Variants in COL13A1 observed in about 807,000 individuals in gnomAD.
COL13A1 encodes collagen type XIII alpha 1 chain.
Under a neutral mutation model 130.9 loss-of-function variants are expected in COL13A1, and 89 were observed. The observed-to-expected ratio is 0.68, with a 90% CI of 0.57 to 0.81. The LOEUF (loss-of-function observed/expected upper bound fraction) is 0.81. COL13A1 is among the 30% of genes least tolerant of loss of function. The pLI, the probability that COL13A1 is intolerant of heterozygous loss-of-function variation, is 0.00. For synonymous variants in COL13A1, 402 were observed against 341.6 expected, an observed-to-expected ratio of 1.18 and a Z score of -1.95; for missense variants, 879 against 934.6, an observed-to-expected ratio of 0.94 and a Z score of 0.78.
rs968128099 is a variant in COL13A1 at position 69,898,606 on chromosome 10, C to T, written c.685-91C>T. ...CCTCTGCTCCGGTCCCTCTTGGTTG[C>T]CCTGCCCTCCTGGTGACTTTTGGCA... is the stretch of plus-strand genomic sequence containing the variant. On this transcript the variant is annotated intron_variant, in intron 13 of 40. Coordinates refer to ENST00000645393, the MANE Select transcript of COL13A1 (RefSeq NM_001368882.1). The T allele has an allele frequency of 1.2e-4, 131 of 1,098,532 alleles. No individual in the cohort carries two copies. In the African/African-American group the frequency reaches 1.7e-3, roughly 14 times the overall value. 68.0% of individuals were successfully genotyped at this position (1,098,532 alleles called of 1,614,324 possible).
At chr10:69,872,438 C>T (rs1323065898) in intron 4 of COL13A1, among the ~76,000 whole-genome samples, 2 of 152,190 alleles carry the variant, frequency 1.3e-5, no homozygotes, top group South Asian at 4.1e-4. Context: ...CCTTGGTGTG[C>T]CTTTGCCCCA....
At chr10:69,928,021 G>A (rs188247685) in intron 27 of COL13A1, among the ~76,000 whole-genome samples, 80 of 152,224 alleles carry the variant, frequency 5.3e-4, no homozygotes, top group African/African-American at 1.8e-3. Flanking sequence ...GCATGGTGGC[G>A]GGTGCCTATA....
chr10:69,868,401 TC>T (rs1192794962), intron 3 of COL13A1, among the ~76,000 whole-genome samples: 1 of 152,148 alleles, frequency 6.6e-6, no homozygotes, highest in Non-Finnish European at 1.5e-5. Context: ...CCGCACTCCT[TC>T]CTGGCCTTGC....
intron 35 of COL13A1, 31 bp downstream of exon 35, chr10:69,941,054 C>T (rs1164941415): frequency 6.2e-7 from 1 of 1,613,640 alleles, no homozygotes; most frequent in Admixed American, 1.7e-5. Context: ...ACCCCTCACC[C>T]CACTCCACTC....
chr10:69,874,476 G>A (rs986038209), intron 4 of COL13A1, among the ~76,000 whole-genome samples: 1 of 152,230 alleles, frequency 6.6e-6, no homozygotes, highest in African/African-American at 2.4e-5. Context: ...CAGATTTCCA[G>A]AGTGAGATGT....
At chr10:69,869,180 T>C (rs2058819444) in intron 3 of COL13A1, among the ~76,000 whole-genome samples, 1 of 152,206 alleles carries the variant, frequency 6.6e-6, no homozygotes, top group African/African-American at 2.4e-5. Context: ...CCAGGGACTG[T>C]TCCCAGACCC....
chr10:69,860,121 C>T (rs1197556008), intron 2 of COL13A1, among the ~76,000 whole-genome samples: 1 of 152,214 alleles, frequency 6.6e-6, no homozygotes, highest in Non-Finnish European at 1.5e-5. Flanking sequence ...TGCAGTCTCA[C>T]TCTGGGGTTC....
At chr10:69,909,518 C>T (rs2063144074) in intron 17 of COL13A1, among the ~76,000 whole-genome samples, 1 of 152,240 alleles carries the variant, frequency 6.6e-6, no homozygotes, top group African/African-American at 2.4e-5. Flanking sequence ...TCTGGGCACC[C>T]TTTCCTCTGT....
intron 17 of COL13A1, among the ~76,000 whole-genome samples, chr10:69,914,764 A>G (rs1171576892): frequency 6.6e-6 from 1 of 152,224 alleles, no homozygotes; most frequent in African/African-American, 2.4e-5. Flanking sequence ...CTCAGCTGGT[A>G]CTACTGAGAG....
chr10:69,834,516 C>T (rs552092456), intron 2 of COL13A1, among the ~76,000 whole-genome samples: 1 of 152,284 alleles, frequency 6.6e-6, no homozygotes, highest in African/African-American at 2.4e-5. Flanking sequence ...CAACAGATGA[C>T]CTTGGGCCTT....
chr10:69,862,772 C>T (rs1419380605), intron 2 of COL13A1, among the ~76,000 whole-genome samples: 1 of 152,170 alleles, frequency 6.6e-6, no homozygotes, highest in African/African-American at 2.4e-5. Context: ...GCCTTGAACG[C>T]ACCATAAACT....
intron 29 of COL13A1, 89 bp downstream of exon 29, chr10:69,930,176 C>T (rs1459963149): frequency 7.3e-7 from 1 of 1,371,172 alleles, no homozygotes; most frequent in Non-Finnish European, 1.0e-6. Context: ...AGAATTGGCC[C>T]TGGTGTGAGC....
Position 69,894,578 on chromosome 10 carries a change from G to A in COL13A1, c.630G>A (p.Pro210=), listed in dbSNP as rs754867905. 13 of 1,613,874 alleles carry A rather than the reference G, an allele frequency of 8.1e-6. No homozygotes were observed. The highest frequency in any genetic ancestry group is 1.0e-5 in the Non-Finnish European group (12 of 1,179,902). ...GTCTGACGGGTCCCCCAGGACAGCCGGTTGGTACCTCATCCATCTATTTCC... is the reference window on the plus strand; with the variant it reads ...GTCTGACGGGTCCCCCAGGACAGCCAGTTGGTACCTCATCCATCTATTTCC... ...DMGLTGPPGQ[P]GPQGQKGEKG... Residue 210 remains proline (P), a splice_region_variant and synonymous_variant, in exon 11 of 41, where the codon CCG becomes CCA. Coordinates refer to ENST00000645393, the MANE Select transcript of COL13A1 (RefSeq NM_001368882.1).
chr10:69,868,951 C>T (rs2058793160), intron 3 of COL13A1, among the ~76,000 whole-genome samples: 1 of 152,316 alleles, frequency 6.6e-6, no homozygotes, highest in African/African-American at 2.4e-5. Flanking sequence ...GCTGCTTTTC[C>T]CTGTCTCATT....
rs1448774087 is a variant in COL13A1, at chr10:69,894,712, T to C, written c.657+11T>C. ...CAAAAAGGAGAAAAGGTAAGAGCAG[T>C]GGAGGTTTCCTAGAGTCTCCATCTC... On this transcript the variant is annotated intron_variant, in intron 12 of 40. Transcript: ENST00000645393. 2 of 1,613,786 alleles carry C rather than the reference T, an allele frequency of 1.2e-6. No individual in the cohort carries two copies. Among genetic ancestry groups the C allele is most frequent in the African/African-American group, 2.7e-5 (2 of 74,934 alleles).
intron 1 of COL13A1, among the ~76,000 whole-genome samples, chr10:69,816,177 T>A (rs367796848): frequency 3.4e-5 from 5 of 147,428 alleles, no homozygotes; most frequent in African/African-American, 1.0e-4. Context: ...ATCACAGTAA[T>A]TAGGCCAGGT....
At chr10:69,936,853 G>T in intron 33 of COL13A1, 71 bp downstream of exon 33, 2 of 1,591,574 alleles carry the variant, frequency 1.3e-6, no homozygotes, top group South Asian at 2.2e-5. Context: ...CCTGAGACCA[G>T]CTGACCCTTT....
At chr10:69,843,544 T>C (rs1312494856) in intron 2 of COL13A1, among the ~76,000 whole-genome samples, 1 of 152,254 alleles carries the variant, frequency 6.6e-6, no homozygotes, top group Non-Finnish European at 1.5e-5. Context: ...CTGTGGCTAG[T>C]GGCTACTGTA....
At chr10:69,817,344 A>T (rs1347515372) in intron 1 of COL13A1, among the ~76,000 whole-genome samples, 1 of 151,578 alleles carries the variant, frequency 6.6e-6, no homozygotes, top group Non-Finnish European at 1.5e-5. Flanking sequence ...GATGGACGGC[A>T]CGTGTAGTGG....
Sources: allele counts gnomAD v4.1 joint callset (sites outside exome capture counted in the v4.1 genomes callset), GRCh38; gene constraint gnomAD v4.1.1; transcripts MANE v1.5; gene names NCBI Gene and HGNC (gene_info 2026-07-23, HGNC 2026-07-21).